Variants in GPC6 observed in about 807,000 individuals in gnomAD.
The protein encoded by GPC6 is glypican-6.
A neutral mutation model predicts 55.2 loss-of-function variants in GPC6; 14 were observed. The observed-to-expected ratio is 0.25, with a 90% confidence interval of 0.17 to 0.40. The LOEUF is 0.40. Among genes scored for constraint, GPC6 ranks in the 10% least tolerant of loss-of-function variants. The pLI is 1.00. For synonymous variants in GPC6, 278 were observed against 259.6 expected (o/e 1.07, Z -0.68); for missense variants, 641 against 708.5 (o/e 0.90, Z 1.08).
At chr13:93,241,360 G>C (rs1235099173) in intron 1 of GPC6, among the ~76,000 whole-genome samples, 1 of 151,990 alleles carries the variant, frequency 6.6e-6, no homozygotes, top group South Asian at 2.1e-4. Flanking sequence ...CTTTGTTTTT[G>C]TTCGGTTGGG....
At chr13:93,414,113 AG>A (rs1375032087) in intron 1 of GPC6, among the ~76,000 whole-genome samples, 1 of 152,124 alleles carries the variant, frequency 6.6e-6, no homozygotes, top group Non-Finnish European at 1.5e-5. Context: ...TCCAACCTGG[AG>A]GGTGGGAAGG....
intron 2 of GPC6, among the ~76,000 whole-genome samples, chr13:93,748,717 C>T (rs1264338661): frequency 2.0e-5 from 3 of 151,992 alleles, no homozygotes; most frequent in Non-Finnish European, 4.4e-5. Context: ...GTAATTAATA[C>T]AATACTTTAT....
chr13:94,309,178 T>C (rs933285049), intron 6 of GPC6, among the ~76,000 whole-genome samples: 1 of 152,288 alleles, frequency 6.6e-6, no homozygotes, highest in East Asian at 1.9e-4. Flanking sequence ...CTTGAAGTGT[T>C]TCAGCAGAAA....
chr13:94,271,378 GCGCGCACACACA>G (rs999425930), intron 4 of GPC6, among the ~76,000 whole-genome samples: 4 of 112,822 alleles, frequency 3.5e-5, no homozygotes, highest in African/African-American at 6.6e-5. Flanking sequence ...GCGCGCGCGC[GCGCGCACACACA>G]CACACACACA....
chr13:94,373,354 C>G (rs1879677833), intron 6 of GPC6, among the ~76,000 whole-genome samples: 1 of 151,718 alleles, frequency 6.6e-6, no homozygotes, highest in Non-Finnish European at 1.5e-5. Flanking sequence ...ATAACCAATA[C>G]AGAGAAGTGC....
chr13:93,382,300 C>T (rs1259422085), intron 1 of GPC6, among the ~76,000 whole-genome samples: 1 of 152,118 alleles, frequency 6.6e-6, no homozygotes, highest in African/African-American at 2.4e-5. Flanking sequence ...TTTATTCCTC[C>T]TTAAGCGTTG....
intron 3 of GPC6, among the ~76,000 whole-genome samples, chr13:93,923,996 G>A (rs1440241088): frequency 6.6e-6 from 1 of 152,106 alleles, no homozygotes; most frequent in Non-Finnish European, 1.5e-5. Flanking sequence ...ATGGAATGGT[G>A]TAGCTTGTGA....
At chr13:94,023,040 A>T (rs1302582107) in intron 3 of GPC6, among the ~76,000 whole-genome samples, 2 of 152,108 alleles carry the variant, frequency 1.3e-5, no homozygotes, top group African/African-American at 4.8e-5. Context: ...TACATTATTT[A>T]AAAAATAAAC....
At chr13:93,277,095 AC>A (rs1243660336) in intron 1 of GPC6, among the ~76,000 whole-genome samples, 1 of 152,160 alleles carries the variant, frequency 6.6e-6, no homozygotes, top group Non-Finnish European at 1.5e-5. Context: ...TCTCCCTGTT[AC>A]ATTTCCTATA....
Position 93,850,491 on chromosome 13 carries a change from T to C in GPC6, c.711+19946T>C, listed in dbSNP as rs146453142. The stretch of plus-strand genomic sequence containing the variant: ...ACAGAAGCATAAATTCTAATGAAGA[T>C]ATGAAAATTCACTGTTTATTGAGAA... On this transcript the variant is annotated intron_variant, in intron 3 of 8. Transcript: ENST00000377047. 2.8e-4 allele frequency among the ~76,000 whole-genome samples: 42 copies of C among 152,142 alleles called. 1 individual carries two copies. The highest frequency in any genetic ancestry group is 2.6e-3 in the Admixed American group (40 of 15,228).
intron 1 of GPC6, among the ~76,000 whole-genome samples, chr13:93,356,623 T>A (rs1176242709): frequency 6.6e-6 from 1 of 152,208 alleles, no homozygotes; most frequent in East Asian, 1.9e-4. Context: ...TGAATGCGGT[T>A]GGTTATCATA....
rs200344995 is a variant in GPC6 at position 94,228,511 on chromosome 13, GA to G, written c.878-57837del. Among the ~76,000 whole-genome samples the G allele has an allele frequency of 2.5e-3, 377 of 152,100 alleles. 11 individuals carry two copies. The East Asian group carries it at 0.06, about 24-fold the overall frequency. Reference sequence around the variant, plus strand: ...TTAGAAATCTTATGCCTTTACATGAGATTTTTTTTTGTCTTCAGCTAAAATG... The same window carrying G: ...TTAGAAATCTTATGCCTTTACATGAGTTTTTTTTTGTCTTCAGCTAAAATG... On this transcript the variant is annotated intron_variant, in intron 4 of 8. Coordinates refer to ENST00000377047, the MANE Select transcript of GPC6 (RefSeq NM_005708.5).
At chr13:94,137,720 TTCC>T (rs1887235305) in intron 4 of GPC6, among the ~76,000 whole-genome samples, 1 of 152,142 alleles carries the variant, frequency 6.6e-6, no homozygotes, top group Non-Finnish European at 1.5e-5. Context: ...ACCTAAAAAC[TTCC>T]TTAACTTAGA....
At chr13:94,380,061 A>G (rs1287182591) in intron 6 of GPC6, among the ~76,000 whole-genome samples, 1 of 152,194 alleles carries the variant, frequency 6.6e-6, no homozygotes, top group East Asian at 1.9e-4. Context: ...GCACATACTG[A>G]AAGGAGACAC....
chr13:93,365,607 C>T (rs1881217785), intron 1 of GPC6, among the ~76,000 whole-genome samples: 1 of 151,978 alleles, frequency 6.6e-6, no homozygotes, highest in Non-Finnish European at 1.5e-5. Flanking sequence ...AATGTAAATA[C>T]CCTCACCATA....
At chr13:94,357,944 G>C (rs116261668) in intron 6 of GPC6, among the ~76,000 whole-genome samples, 1 of 152,138 alleles carries the variant, frequency 6.6e-6, no homozygotes, top group Non-Finnish European at 1.5e-5. Flanking sequence ...GCGGTATCTT[G>C]CACAGAGAAA....
intron 1 of GPC6, among the ~76,000 whole-genome samples, chr13:93,278,288 G>A (rs531550268): frequency 3.9e-5 from 6 of 152,146 alleles, no homozygotes; most frequent in African/African-American, 4.8e-5. Context: ...TAACAAATAC[G>A]TAACATTAAA....
At position 93,243,301 on chromosome 13, in the gene GPC6, A is replaced by G. The variant is rs1251780044; in HGVS notation, c.160+15685A>G. On this transcript the variant is annotated intron_variant, in intron 1 of 8. Transcript: ENST00000377047. ...CCAATGAACTTTCCAATGGGCTCCAACAATCTCCCCTTAACATTCCATTTA... is the reference window on the plus strand; with the variant it reads ...CCAATGAACTTTCCAATGGGCTCCAGCAATCTCCCCTTAACATTCCATTTA... 2.6e-5 allele frequency among the ~76,000 whole-genome samples: 4 copies of G among 152,192 alleles called. No homozygotes were observed. The East Asian group carries it at 7.7e-4, about 29-fold the overall frequency.
intron 6 of GPC6, among the ~76,000 whole-genome samples, chr13:94,324,807 A>AAT: frequency 6.6e-6 from 1 of 152,104 alleles, no homozygotes; most frequent in Non-Finnish European, 1.5e-5. Flanking sequence ...GTGGCAGCCT[A>AAT]TAGTCGTTCA....
Sources: gnomAD v4.1 joint callset for allele counts (sites outside exome capture counted in the v4.1 genomes callset) on GRCh38, gnomAD v4.1.1 for gene constraint, MANE v1.5 for transcripts, NCBI Gene and HGNC (gene_info 2026-07-23, HGNC 2026-07-21) for gene names.